Variants in SLC26A2 observed in about 807,000 individuals in gnomAD.
SLC26A2 encodes the protein sulfate transporter.
In SLC26A2, 36 loss-of-function variants were observed where a neutral mutation model predicts 41.1. The ratio of observed to expected loss-of-function variants is 0.88; its 90% CI spans 0.67 to 1.16. SLC26A2 has a LOEUF of 1.16. Ranked by LOEUF, SLC26A2 falls within the 50% of genes most tolerant of loss-of-function variation. The pLI is 0.00. For missense variants in SLC26A2, 796 were observed against 869.6 expected, an observed-to-expected ratio of 0.92 and a Z score of 1.07; for synonymous variants, 291 against 311.6, an observed-to-expected ratio of 0.93 and a Z score of 0.70.
chr5:149,980,403 G>A lies in SLC26A2; in HGVS notation c.810G>A (p.Lys270=), dbSNP rs753179470. 2 of 1,614,110 alleles carry A rather than the reference G, an allele frequency of 1.2e-6. No individual in the cohort carries two copies. The highest frequency in any genetic ancestry group is 1.7e-6 in the Non-Finnish European group (2 of 1,180,010). The change falls in exon 3 of 3, where the codon AAG becomes AAA. Residue 270 remains lysine, a synonymous_variant. Coordinates refer to ENST00000286298, the MANE Select transcript of SLC26A2 (RefSeq NM_000112.4). ...ASFTILTSQA[K]YLLGLNLPRT... is the part of the protein sequence containing the mutation. ...TCACTATTCTTACATCTCAGGCCAAGTATCTTCTTGGGCTCAACCTTCCTC... is the reference window on the plus strand; with the variant it reads ...TCACTATTCTTACATCTCAGGCCAAATATCTTCTTGGGCTCAACCTTCCTC...
rs1405775233 is a variant in SLC26A2, at chr5:149,978,197, A to G, written c.545A>G (p.Lys182Arg). ...IGETVDRELQ[K>R]AGYDNAHSAP... is the part of the protein sequence containing the mutation. ...GAGACAGTTGACCGAGAACTACAGA[A>G]AGCTGGCTATGACAATGCCCATAGT... Residue 182 changes from lysine to arginine, a missense_variant, in exon 2 of 3, where the codon AAA becomes AGA. Coordinates refer to ENST00000286298, the MANE Select transcript of SLC26A2 (RefSeq NM_000112.4). 2 of 1,613,726 alleles carry G rather than the reference A, an allele frequency of 1.2e-6. No individual in the cohort carries two copies. Among genetic ancestry groups the G allele is most frequent in the Non-Finnish European group, 8.5e-7 (1 of 1,179,732 alleles).
At position 149,983,950 on chromosome 5, in the gene SLC26A2, TA is replaced by T. The variant is rs1445976751; in HGVS notation, c.*2139del. ...AGTTGAGACTATTATAGGTGTCTAA[TA>T]ACCTGTGACAGAGTAATGAGTACAT... On this transcript the variant is annotated 3_prime_UTR_variant, in exon 3 of 3. Coordinates refer to ENST00000286298, the MANE Select transcript of SLC26A2 (RefSeq NM_000112.4). 11 of 152,232 alleles carry T rather than the reference TA, an allele frequency of 7.2e-5. No homozygotes were observed. Among genetic ancestry groups the T allele is most frequent in the African/African-American group, 2.7e-4 (11 of 41,466 alleles). The allele number at this position is 152,232 out of a possible 1,614,324, so 9.4% of individuals were successfully genotyped here.
In SLC26A2 at chr5:149,960,771, C is replaced by T. The variant is rs1392806408; in HGVS notation, c.-234C>T. On this transcript the variant is annotated 5_prime_UTR_variant, in exon 1 of 3. Coordinates refer to ENST00000286298, the MANE Select transcript of SLC26A2 (RefSeq NM_000112.4). ...TCGGCCGCGGGCGTTTACACTGGCT[C>T]TGCCTCCGGCATCTCTTCGCCGGTG... 2.0e-5 allele frequency: 3 copies of T among 152,298 alleles called. No homozygotes were observed. The highest frequency in any genetic ancestry group is 4.4e-5 in the Non-Finnish European group (3 of 68,076). 9.4% of individuals were successfully genotyped at this position (152,298 alleles called of 1,614,324 possible).
rs1415756521 is a variant in SLC26A2 at position 149,984,987 on chromosome 5, A to G, written c.*3174A>G. The G allele has an allele frequency of 6.6e-6, 1 of 152,244 alleles. No individual in the cohort carries two copies. The highest frequency in any genetic ancestry group is 6.5e-5 in the Admixed American group (1 of 15,290). The allele number at this position is 152,244 out of a possible 1,614,324, so 9.4% of individuals were successfully genotyped here. A position where few individuals can be genotyped will look rare whatever the true frequency, so the allele number is the denominator to read the frequency against. ...TATAGAGGAGTGAAGAGAACAGACC[A>G]TTGAAAAGACTATTATCTGACCAGC... On this transcript the variant is annotated 3_prime_UTR_variant, in exon 3 of 3. Transcript: ENST00000286298.
At chr5:149,980,087 G>A (rs1755064775) in intron 2 of SLC26A2, among the ~76,000 whole-genome samples, 1 of 152,202 alleles carries the variant, frequency 6.6e-6, no homozygotes, top group Admixed American at 6.5e-5. Context: ...ATAAGTAACA[G>A]TGTGACCTTG....
In SLC26A2 at chr5:149,982,110, T is replaced by G; in HGVS notation, c.*297T>G. ...TAAAGTAGCTCCAAAACTTAATTAC[T>G]CTCCTGTTTTAGGGGTTATACATTT... On this transcript the variant is annotated 3_prime_UTR_variant, in exon 3 of 3. Transcript: ENST00000286298. The G allele has an allele frequency of 3.1e-6, 1 of 318,576 alleles. No individual in the cohort carries two copies. The highest frequency in any genetic ancestry group is 4.9e-5 in the South Asian group (1 of 20,434). 19.7% of individuals were successfully genotyped at this position (318,576 alleles called of 1,614,324 possible).
At chr5:149,977,247 G>A (rs1236785627) in intron 1 of SLC26A2, among the ~76,000 whole-genome samples, 1 of 152,186 alleles carries the variant, frequency 6.6e-6, no homozygotes, top group Non-Finnish European at 1.5e-5. Flanking sequence ...CAGTCTGCCT[G>A]GGAGGTGAAA....
At chr5:149,962,487 C>T (rs1275151108) in intron 1 of SLC26A2, among the ~76,000 whole-genome samples, 1 of 151,924 alleles carries the variant, frequency 6.6e-6, no homozygotes, top group African/African-American at 2.4e-5. Context: ...CACAGGTGCA[C>T]GCTGCCATAC....
intron 1 of SLC26A2, among the ~76,000 whole-genome samples, chr5:149,964,913 G>A (rs912666115): frequency 6.6e-6 from 1 of 152,098 alleles, no homozygotes; most frequent in Non-Finnish European, 1.5e-5. Flanking sequence ...TTTTTTAAAT[G>A]TAGGTTCAAT....
intron 1 of SLC26A2, among the ~76,000 whole-genome samples, chr5:149,967,138 G>A (rs1754817883): frequency 6.6e-6 from 1 of 152,206 alleles, no homozygotes; most frequent in Non-Finnish European, 1.5e-5. Context: ...ACTCCAGTCT[G>A]AGCAACAGAG....
rs1245921907 is a variant in SLC26A2 at position 149,980,506 on chromosome 5, C to T, written c.913C>T (p.Leu305Phe). The T allele has an allele frequency of 6.2e-7, 1 of 1,614,014 alleles. No homozygotes were observed. Among genetic ancestry groups the T allele is most frequent in the Non-Finnish European group, 8.5e-7 (1 of 1,180,000 alleles). ...CATCCATAAGACCAATCTCTGTGAT[C>T]TTATCACCAGCCTTTTGTGCCTTTT... ...RNIHKTNLCD[L>F]ITSLLCLLVL... is the part of the protein sequence containing the mutation. Residue 305 changes from leucine to phenylalanine, a missense_variant, in exon 3 of 3, where the codon CTT becomes TTT. Transcript: ENST00000286298.
intron 1 of SLC26A2, among the ~76,000 whole-genome samples, chr5:149,977,286 A>G (rs1217889675): frequency 6.6e-6 from 1 of 152,132 alleles, no homozygotes; most frequent in East Asian, 1.9e-4. Context: ...CTGGTAGCAT[A>G]TGTATGGAAA....
At position 149,984,715 on chromosome 5, in the gene SLC26A2, T is replaced by A. The variant is rs1450722596; in HGVS notation, c.*2902T>A. 6.6e-6 allele frequency: 1 copy of A among 152,252 alleles called. No homozygotes were observed. The highest frequency in any genetic ancestry group is 1.5e-5 in the Non-Finnish European group (1 of 68,048). 9.4% of individuals were successfully genotyped at this position (152,252 alleles called of 1,614,324 possible). On this transcript the variant is annotated 3_prime_UTR_variant, in exon 3 of 3. Coordinates refer to ENST00000286298, the MANE Select transcript of SLC26A2 (RefSeq NM_000112.4). Reference sequence around the variant, plus strand: ...TGCTCTCTTGACCAAAGGATAGGACTTTAGTTCTTTAAGCATTATTTTAAA... The same window carrying A: ...TGCTCTCTTGACCAAAGGATAGGACATTAGTTCTTTAAGCATTATTTTAAA...
At chr5:149,964,282 A>G (rs1487327705) in intron 1 of SLC26A2, among the ~76,000 whole-genome samples, 1 of 152,160 alleles carries the variant, frequency 6.6e-6, no homozygotes. Flanking sequence ...ACTTGAGCTC[A>G]GGAGTTCAAG....
At chr5:149,972,312 A>G (rs1284238098) in intron 1 of SLC26A2, among the ~76,000 whole-genome samples, 1 of 152,188 alleles carries the variant, frequency 6.6e-6, no homozygotes, top group East Asian at 1.9e-4. Context: ...GTGGGTTCAT[A>G]CTTGTAGGAC....
At position 149,981,807 on chromosome 5, in the gene SLC26A2, T is replaced by G; in HGVS notation, c.2214T>G (p.Ser738Arg). 1 of 1,606,516 alleles carries G rather than the reference T, an allele frequency of 6.2e-7. No individual in the cohort carries two copies. The highest frequency in any genetic ancestry group is 8.5e-7 in the Non-Finnish European group (1 of 1,174,260). Reference protein sequence around the residue: ...VCVPNGLSLSSD With the variant: ...VCVPNGLSLSRD ...TTCCCAATGGTCTGAGTCTTAGTAG[T>G]GATTAATTGAGAAGGTAGATAGAAG... The change falls in exon 3 of 3, where the codon AGT becomes AGG. Residue 738 changes from serine (S) to arginine (R), a missense_variant. Coordinates refer to ENST00000286298, the MANE Select transcript of SLC26A2 (RefSeq NM_000112.4).
Position 149,980,517 on chromosome 5 carries a change from C to T in SLC26A2, c.924C>T (p.Ser308=), listed in dbSNP as rs767409327. Residue 308 remains serine (S), a synonymous_variant, in exon 3 of 3, where the codon AGC becomes AGT. Transcript: ENST00000286298. ...HKTNLCDLIT[S]LLCLLVLLPT... Reference sequence around the variant, plus strand: ...CCAATCTCTGTGATCTTATCACCAGCCTTTTGTGCCTTTTGGTTCTTTTGC... The same window carrying T: ...CCAATCTCTGTGATCTTATCACCAGTCTTTTGTGCCTTTTGGTTCTTTTGC... 6.2e-7 allele frequency: 1 copy of T among 1,614,006 alleles called. No individual in the cohort carries two copies.
intron 1 of SLC26A2, among the ~76,000 whole-genome samples, chr5:149,967,763 TTTGTTG>T (rs1256735688): frequency 6.6e-6 from 1 of 151,976 alleles, no homozygotes; most frequent in African/African-American, 2.4e-5. Context: ...TATATATATT[TTTGTTG>T]TTGTTGTTGT....
At chr5:149,973,105 G>A (rs1464150250) in intron 1 of SLC26A2, among the ~76,000 whole-genome samples, 1 of 151,918 alleles carries the variant, frequency 6.6e-6, no homozygotes, top group Non-Finnish European at 1.5e-5. Context: ...GATCACTTGA[G>A]CCCAGGAGTT....
Sources: gnomAD v4.1 joint callset for allele counts (sites outside exome capture counted in the v4.1 genomes callset) on GRCh38, gnomAD v4.1.1 for gene constraint, MANE v1.5 for transcripts, NCBI Gene and HGNC (gene_info 2026-07-23, HGNC 2026-07-21) for gene names.